Variants in ANKRD26 observed in about 807,000 individuals in gnomAD.
The protein encoded by ANKRD26 is ankyrin repeat domain 26.
Under a neutral mutation model 208.7 loss-of-function variants are expected in ANKRD26, and 141 were observed. The ratio of observed to expected loss-of-function variants is 0.68; its 90% CI spans 0.59 to 0.78. The LOEUF (loss-of-function observed/expected upper bound fraction) is 0.78. ANKRD26 is among the 30% of genes least tolerant of loss of function. ANKRD26 has a pLI of 0.00. For synonymous variants in ANKRD26, 636 were observed against 660.4 expected (o/e 0.96, Z 0.57); for missense variants, 1,889 against 1,938.7 (o/e 0.97, Z 0.48).
chr10:27,031,822 T>C (rs893894045), intron 25 of ANKRD26, among the ~76,000 whole-genome samples: 1 of 152,212 alleles, frequency 6.6e-6, no homozygotes, highest in Non-Finnish European at 1.5e-5. Flanking sequence ...TTATAATATA[T>C]TTTAAATGAA....
chr10:26,963,902 G>GTTTTTTT, the ANKRD26 span, among the ~76,000 whole-genome samples: 15 of 66,974 alleles, frequency 2.2e-4, 3 homozygotes, highest in Non-Finnish European at 3.5e-4. Flanking sequence ...ATGGTTGGTT[G>GTTTTTTT]GTTTTTTTTT....
chr10:27,043,344 G>T, intron 20 of ANKRD26, 82 bp downstream of exon 20: 1 of 1,497,948 alleles, frequency 6.7e-7, no homozygotes, highest in Non-Finnish European at 9.2e-7. Context: ...CAAAATGTAT[G>T]CTAAATGTAC....
intron 3 of ANKRD26, among the ~76,000 whole-genome samples, chr10:26,986,023 A>G (rs2052380544): frequency 6.6e-6 from 1 of 152,182 alleles, no homozygotes. Context: ...ACCTGACTTC[A>G]AACTATACTA....
intron 23 of ANKRD26, 142 bp from the exon 24 acceptor site, chr10:27,035,894 A>T (rs1395233852): frequency 9.1e-6 from 6 of 656,860 alleles, no homozygotes; most frequent in Non-Finnish European, 2.5e-6. Context: ...AAAAAGTTGG[A>T]TCAAAACTCA....
At chr10:26,990,929 G>T (rs72805457), downstream of ANKRD26, among the ~76,000 whole-genome samples, 210 of 152,314 alleles carry the variant, frequency 1.4e-3, 1 homozygote, top group Non-Finnish European at 2.5e-3. Context: ...GAATTAGCAA[G>T]ACAAAATCCC....
chr10:26,999,955 A>AACTTTTAG (rs1229434490), downstream of ANKRD26, among the ~76,000 whole-genome samples: 4 of 152,168 alleles, frequency 2.6e-5, no homozygotes, highest in Admixed American at 1.3e-4. Flanking sequence ...TGGTTGTTAA[A>AACTTTTAG]ACTTTTAGTC....
At chr10:27,071,893 T>C (rs2055516535) in intron 9 of ANKRD26, among the ~76,000 whole-genome samples, 1 of 152,196 alleles carries the variant, frequency 6.6e-6, no homozygotes, top group South Asian at 2.1e-4. Context: ...ATACATTGCA[T>C]GCATTCCCTG....
chr10:27,021,795 C>T (rs1159189472), intron 29 of ANKRD26, among the ~76,000 whole-genome samples: 1 of 152,082 alleles, frequency 6.6e-6, no homozygotes, highest in Non-Finnish European at 1.5e-5. Flanking sequence ...CTCTAATGAT[C>T]AATGATGTTG....
chr10:26,984,168 G>A (rs1034822551), intron 3 of ANKRD26, among the ~76,000 whole-genome samples: 1 of 152,170 alleles, frequency 6.6e-6, no homozygotes, highest in Non-Finnish European at 1.5e-5. Flanking sequence ...CAGGTGCTGG[G>A]TTCTCCATAA....
chr10:26,951,162 G>A, the ANKRD26 span, among the ~76,000 whole-genome samples: 3 of 151,802 alleles, frequency 2.0e-5, no homozygotes, highest in African/African-American at 7.3e-5. Flanking sequence ...TATAAACTCA[G>A]TAACAAATAT....
Position 27,100,085 on chromosome 10 carries a change from C to T in ANKRD26, c.242G>A (p.Arg81Lys). The T allele has an allele frequency of 2.5e-6, 4 of 1,613,950 alleles. No homozygotes were observed. Among genetic ancestry groups the T allele is most frequent in the Non-Finnish European group, 2.5e-6 (3 of 1,179,954 alleles). ...NGLNDRDKMNRTALHLACANG... is the reference protein window; with the variant it reads ...NGLNDRDKMNKTALHLACANG... ...AGTCCGGGCTTGCGACGCCTATTACCTGTTCATCTTGTCTCTATCGTTCAA... is the reference window on the plus strand; with the variant it reads ...AGTCCGGGCTTGCGACGCCTATTACTTGTTCATCTTGTCTCTATCGTTCAA... The change falls in exon 1 of 34, where the codon AGG becomes AAG. Residue 81 changes from arginine (R) to lysine (K), a missense_variant and splice_region_variant. Physicochemically the swap from Arg to Lys is conservative, Grantham distance 26. Coordinates refer to ENST00000376087, the MANE Select transcript of ANKRD26 (RefSeq NM_014915.3).
chr10:27,085,619 T>C (rs909745685), intron 5 of ANKRD26, among the ~76,000 whole-genome samples: 1 of 152,190 alleles, frequency 6.6e-6, no homozygotes, highest in African/African-American at 2.4e-5. Flanking sequence ...CAGTTCTTAT[T>C]GCCATTTGTT....
rs776789651 is a variant in ANKRD26 at position 27,037,283 on chromosome 10, C to T, written c.2600G>A (p.Arg867Gln). 3.3e-5 allele frequency: 53 copies of T among 1,613,690 alleles called. No homozygotes were observed. Among genetic ancestry groups the T allele is most frequent in the Non-Finnish European group, 3.6e-5 (43 of 1,179,840 alleles). Residue 867 changes from arginine to glutamine, a missense_variant, in exon 23 of 34, where the codon CGA (arginine) becomes CAA (glutamine). By Grantham distance (43) the Arg-to-Gln change is conservative (BLOSUM62 1). This residue lies in a region of ANKRD26 where 1,272 missense variants were observed against 1,273.8 expected (regional missense o/e 1.00). Coordinates refer to ENST00000376087, the MANE Select transcript of ANKRD26 (RefSeq NM_014915.3). ...ERNDAQRQLS[R>Q]EQNARMLQDG... ...TTGTAACATTCTGGCATTCTGTTCTCGAGAAAGTTGCCTCTGAGCGTCATT... is the reference window on the plus strand; with the variant it reads ...TTGTAACATTCTGGCATTCTGTTCTTGAGAAAGTTGCCTCTGAGCGTCATT...
At chr10:27,079,041 A>G (rs772369611) in intron 7 of ANKRD26, 48 bp downstream of exon 7, 2 of 1,513,606 alleles carry the variant, frequency 1.3e-6, no homozygotes, top group African/African-American at 1.4e-5. Flanking sequence ...ATACTATACG[A>G]AACTAGATTC....
chr10:27,076,365 T>G (rs1248816969), intron 9 of ANKRD26, among the ~76,000 whole-genome samples: 3 of 151,534 alleles, frequency 2.0e-5, no homozygotes, highest in Non-Finnish European at 4.4e-5. Flanking sequence ...TAGGTTCAAG[T>G]GATTCTCCTG....
intron 5 of ANKRD26, among the ~76,000 whole-genome samples, chr10:26,978,949 G>A (rs1362378528): frequency 2.0e-5 from 3 of 152,130 alleles, no homozygotes; most frequent in Non-Finnish European, 2.9e-5. Flanking sequence ...AGGGCCGGGC[G>A]CGATGGCTCA....
Position 27,099,762 on chromosome 10 carries a change from A to T in ANKRD26, c.242+323T>A, listed in dbSNP as rs139882810. ...TGCTTATCTCATTATGCACCTTTCC[A>T]TAAGTGTATGACATTGTATCTTAAA... On this transcript the variant is annotated intron_variant, in intron 1 of 33. Coordinates refer to ENST00000376087, the MANE Select transcript of ANKRD26 (RefSeq NM_014915.3). Among the ~76,000 whole-genome samples the T allele has an allele frequency of 3.0e-3, 455 of 152,388 alleles. 11 individuals carry two copies. The highest frequency in any genetic ancestry group is 0.029 in the East Asian group (148 of 5,184).
At chr10:26,960,088 T>C in the ANKRD26 span, among the ~76,000 whole-genome samples, 1 of 151,080 alleles carries the variant, frequency 6.6e-6, no homozygotes, top group Non-Finnish European at 1.5e-5. Context: ...CTTGAGCCCA[T>C]GAGTTGGAGG....
chr10:27,091,038 G>A (rs2056282211), intron 4 of ANKRD26, among the ~76,000 whole-genome samples: 1 of 152,044 alleles, frequency 6.6e-6, no homozygotes, highest in African/African-American at 2.4e-5. Context: ...AGAGGTTGCA[G>A]GGAGCCAACA....
Sources: gnomAD v4.1 joint callset for allele counts (sites outside exome capture counted in the v4.1 genomes callset) on GRCh38, gnomAD v4.1.1 for gene constraint, gnomAD v4.1.1 regional missense constraint, MANE v1.5 for transcripts, NCBI Gene and HGNC (gene_info 2026-07-23, HGNC 2026-07-21) for gene names.